EFNA5: variants seen among roughly 807,000 people sequenced by gnomAD.
EFNA5 encodes ephrin-A5.
EFNA5 carries 5 observed loss-of-function variants against 22.9 expected under a neutral mutation model. The ratio of observed to expected loss-of-function variants is 0.22; its 90% CI spans 0.11 to 0.46. The LOEUF (loss-of-function observed/expected upper bound fraction) is 0.46, where lower values mean the gene tolerates loss of function less well. Among genes scored for constraint, EFNA5 ranks in the 20% least tolerant of loss-of-function variants. The probability of loss-of-function intolerance (pLI) is 0.99; values close to 1 mark genes in which losing one functional copy is unlikely to be tolerated. For missense variants in EFNA5, 237 were observed against 293.3 expected (o/e 0.81, Z 1.40); for synonymous variants, 113 against 112.2 (o/e 1.01, Z -0.04).
chr5:107,430,369 T>C lies in EFNA5; in HGVS notation c.126-2860A>G, dbSNP rs532024980. On this transcript the variant is annotated intron_variant, in intron 1 of 4. Coordinates refer to ENST00000333274, the MANE Select transcript of EFNA5 (RefSeq NM_001962.3). ...ACTTTATATTATTATATTATTATTA[T>C]AGATTTTAAAGAGATTCAAGGGGGA... Among the ~76,000 whole-genome samples, 41 of 152,250 alleles carry C rather than the reference T, an allele frequency of 2.7e-4. No homozygotes were observed. The South Asian group carries it at 6.6e-3, about 25-fold the overall frequency.
intron 2 of EFNA5, among the ~76,000 whole-genome samples, chr5:107,399,181 G>A (rs1333699706): frequency 6.6e-6 from 1 of 152,038 alleles, no homozygotes; most frequent in African/African-American, 2.4e-5. Context: ...GCCAGGCGTG[G>A]TGGCTCACGC....
At chr5:107,583,463 T>C (rs1435230325) in intron 1 of EFNA5, among the ~76,000 whole-genome samples, 1 of 152,212 alleles carries the variant, frequency 6.6e-6, no homozygotes, top group African/African-American at 2.4e-5. Context: ...AGAAATACAA[T>C]GGGCACAATT....
At chr5:107,381,689 C>G (rs1310850344) in intron 4 of EFNA5, among the ~76,000 whole-genome samples, 1 of 151,478 alleles carries the variant, frequency 6.6e-6, no homozygotes, top group African/African-American at 2.4e-5. Flanking sequence ...GCACAAATTT[C>G]AGATATCTGA....
At chr5:107,520,683 G>A (rs543161642) in intron 1 of EFNA5, among the ~76,000 whole-genome samples, 2 of 152,280 alleles carry the variant, frequency 1.3e-5, no homozygotes, top group East Asian at 1.9e-4. Flanking sequence ...AAGAGGTTAC[G>A]AGAAGAGCTG....
intron 1 of EFNA5, among the ~76,000 whole-genome samples, chr5:107,531,296 CCAATGCTGTA>C (rs2112451933): frequency 6.6e-6 from 1 of 152,288 alleles, no homozygotes; most frequent in Admixed American, 6.5e-5. Flanking sequence ...AGGGGTGTAA[CCAATGCTGTA>C]CATTTTAACT....
chr5:107,641,967 C>G (rs995917865), intron 1 of EFNA5, among the ~76,000 whole-genome samples: 9 of 152,096 alleles, frequency 5.9e-5, no homozygotes, highest in Non-Finnish European at 1.3e-4. Flanking sequence ...CTCGTTTTCC[C>G]CAGTCAAAAC....
At chr5:107,530,697 T>TA (rs1747792387) in intron 1 of EFNA5, among the ~76,000 whole-genome samples, 1 of 152,190 alleles carries the variant, frequency 6.6e-6, no homozygotes, top group African/African-American at 2.4e-5. Context: ...TTATACTGCT[T>TA]ACTAGTGTCA....
At chr5:107,407,524 G>A (rs528740921) in intron 2 of EFNA5, among the ~76,000 whole-genome samples, 7 of 152,242 alleles carry the variant, frequency 4.6e-5, no homozygotes, top group African/African-American at 1.7e-4. Context: ...AAGATGACCT[G>A]GGCCAGGGAC....
intron 1 of EFNA5, among the ~76,000 whole-genome samples, chr5:107,435,092 A>G (rs1749071127): frequency 6.6e-6 from 1 of 152,240 alleles, no homozygotes; most frequent in South Asian, 2.1e-4. Flanking sequence ...CTAATTTCAG[A>G]ACAAGATGTC....
rs1747369855 is a variant in EFNA5, at chr5:107,379,401, T to C, written c.*1854A>G. ...AGTCTGTCCATAATGCGACCTTCTC[T>C]TTTTTTAACATATACATCTTAAAAA... is the stretch of plus-strand genomic sequence containing the variant. On this transcript the variant is annotated 3_prime_UTR_variant, in exon 5 of 5. Coordinates refer to ENST00000333274, the MANE Select transcript of EFNA5 (RefSeq NM_001962.3). 1 of 152,142 alleles carries C rather than the reference T, an allele frequency of 6.6e-6. No homozygotes were observed. The highest frequency in any genetic ancestry group is 2.4e-5 in the African/African-American group (1 of 41,434). The allele number at this position is 152,142 out of a possible 1,614,324, so 9.4% of individuals were successfully genotyped here. A position where few individuals can be genotyped will look rare whatever the true frequency, so the allele number is the denominator to read the frequency against.
At chr5:107,569,539 AT>A (rs1384312867) in intron 1 of EFNA5, among the ~76,000 whole-genome samples, 61 of 128,208 alleles carry the variant, frequency 4.8e-4, no homozygotes, top group South Asian at 3.5e-3. Context: ...ATTTATATAT[AT>A]ATGTGTGTAT....
At chr5:107,563,284 G>A (rs920074371) in intron 1 of EFNA5, among the ~76,000 whole-genome samples, 1 of 152,040 alleles carries the variant, frequency 6.6e-6, no homozygotes, top group Non-Finnish European at 1.5e-5. Context: ...CTTTCCCCAA[G>A]CACCCCACTT....
intron 1 of EFNA5, among the ~76,000 whole-genome samples, chr5:107,534,285 T>G (rs576053770): frequency 3.3e-5 from 5 of 152,294 alleles, no homozygotes; most frequent in Admixed American, 2.0e-4. Flanking sequence ...CTATCTTCCT[T>G]CTGTAAGGAA....
intron 1 of EFNA5, among the ~76,000 whole-genome samples, chr5:107,523,896 T>A (rs1747644889): frequency 6.6e-6 from 1 of 152,202 alleles, no homozygotes; most frequent in Non-Finnish European, 1.5e-5. Flanking sequence ...ATAGCTCCCT[T>A]CTTACCTTCC....
At chr5:107,429,285 A>ATTTTTTG (rs1252713957) in intron 1 of EFNA5, among the ~76,000 whole-genome samples, 1 of 152,188 alleles carries the variant, frequency 6.6e-6, no homozygotes, top group Non-Finnish European at 1.5e-5. Context: ...TCTACTAAAA[A>ATTTTTTG]TACAAAAAAT....
chr5:107,408,274 G>C (rs1355882384), intron 2 of EFNA5, among the ~76,000 whole-genome samples: 1 of 151,972 alleles, frequency 6.6e-6, no homozygotes, highest in Non-Finnish European at 1.5e-5. Context: ...ATTCTCAGGG[G>C]CCAAGAATTT....
intron 1 of EFNA5, among the ~76,000 whole-genome samples, chr5:107,652,847 A>G (rs2112553983): frequency 6.6e-6 from 1 of 152,284 alleles, no homozygotes; most frequent in Middle Eastern, 3.4e-3. Flanking sequence ...ACTCCACTTT[A>G]AACAAGGGAA....
intron 1 of EFNA5, among the ~76,000 whole-genome samples, chr5:107,615,974 T>C (rs557743787): frequency 6.6e-6 from 1 of 152,316 alleles, no homozygotes; most frequent in East Asian, 1.9e-4. Context: ...CATTTATAAA[T>C]TATTCTTCAA....
intron 1 of EFNA5, among the ~76,000 whole-genome samples, chr5:107,497,842 T>C (rs575664269): frequency 1.8e-4 from 28 of 152,242 alleles, no homozygotes; most frequent in Non-Finnish European, 2.2e-4. Context: ...TTAAAGTCAT[T>C]CTGAACAAAG....
Sources: gnomAD v4.1 joint callset for allele counts (sites outside exome capture counted in the v4.1 genomes callset) on GRCh38, gnomAD v4.1.1 for gene constraint, MANE v1.5 for transcripts, NCBI Gene and HGNC (gene_info 2026-07-23, HGNC 2026-07-21) for gene names.